Variants in RFPL1 observed in about 807,000 individuals in gnomAD.
The protein encoded by RFPL1 is ret finger protein like 1, also known as ret finger protein-like 1.
RFPL1 carries 6 observed loss-of-function variants against 9.6 expected under a neutral mutation model. That is an observed-to-expected ratio of 0.62 (90% CI 0.34 to 1.23). The LOEUF (loss-of-function observed/expected upper bound fraction) is 1.23. RFPL1 is among the 50% of genes most tolerant of loss of function. The probability of loss-of-function intolerance (pLI) is 0.03; values close to 1 mark genes in which losing one functional copy is unlikely to be tolerated. For synonymous variants in RFPL1, 145 were observed against 149.4 expected, an observed-to-expected ratio of 0.97 and a Z score of 0.22; for missense variants, 352 against 398.4, an observed-to-expected ratio of 0.88 and a Z score of 0.99.
chr22:29,432,603 G>A, the RFPL1 span, among the ~76,000 whole-genome samples: 17 of 152,096 alleles, frequency 1.1e-4, no homozygotes, highest in Non-Finnish European at 2.2e-4. Context: ...TCTATAACTC[G>A]CTTGGTTACA....
exon 2 of RFPL1, chr22:29,442,164 C>A (rs2062844369): frequency 6.9e-7 from 1 of 1,442,342 alleles, no homozygotes; most frequent in African/African-American, 1.4e-5. Context: ...AAGAAAATTA[C>A]TTGGGTGGGC....
upstream of RFPL1, among the ~76,000 whole-genome samples, chr22:29,436,206 T>C (rs1350713577): frequency 6.6e-6 from 1 of 151,842 alleles, no homozygotes; most frequent in Non-Finnish European, 1.5e-5. Flanking sequence ...ATGGGAGAAA[T>C]GGGCTCTAGC....
At chr22:29,403,189 A>G in the RFPL1 span, among the ~76,000 whole-genome samples, 1 of 152,054 alleles carries the variant, frequency 6.6e-6, no homozygotes, top group Non-Finnish European at 1.5e-5. Flanking sequence ...GTTTTTAAAA[A>G]TAAATTGAAA....
At chr22:29,424,829 T>TC in the RFPL1 span, among the ~76,000 whole-genome samples, 417 of 18,752 alleles carry the variant, frequency 0.022, 1 homozygote, top group African/African-American at 0.043. Context: ...TCCCTGTCCC[T>TC]CCCACCCCCC....
the RFPL1 span, among the ~76,000 whole-genome samples, chr22:29,403,330 G>A: frequency 1.3e-5 from 2 of 152,068 alleles, no homozygotes; most frequent in Non-Finnish European, 2.9e-5. Flanking sequence ...CTGCAGCAGA[G>A]TGAAATGAAT....
chr22:29,417,773 T>C, the RFPL1 span, among the ~76,000 whole-genome samples: 1 of 151,910 alleles, frequency 6.6e-6, no homozygotes. Context: ...TCTCTGCCTT[T>C]GAGATTTTAC....
the RFPL1 span, among the ~76,000 whole-genome samples, chr22:29,398,472 C>T: frequency 1.1e-4 from 17 of 152,330 alleles, no homozygotes; most frequent in South Asian, 1.4e-3. Flanking sequence ...ATCCCCATTT[C>T]GTAGTTGAGG....
chr22:29,410,285 T>TACAATATATATATCTATATATAG, the RFPL1 span, among the ~76,000 whole-genome samples: 2 of 97,680 alleles, frequency 2.0e-5, no homozygotes, highest in African/African-American at 8.4e-5. Flanking sequence ...TATATAGATC[T>TACAATATATATATCTATATATAG]ATATATATGT....
chr22:29,421,222 T>C, the RFPL1 span, among the ~76,000 whole-genome samples: 1 of 152,114 alleles, frequency 6.6e-6, no homozygotes, highest in African/African-American at 2.4e-5. Flanking sequence ...GCTGGAGCAT[T>C]GAACCCAGGC....
chr22:29,435,965 C>G (rs1466238471), upstream of RFPL1, among the ~76,000 whole-genome samples: 1 of 152,146 alleles, frequency 6.6e-6, no homozygotes, highest in Non-Finnish European at 1.5e-5. Flanking sequence ...ACCACATGTT[C>G]TCACTCCTAT....
chr22:29,395,747 T>G, the RFPL1 span, among the ~76,000 whole-genome samples: 1 of 152,076 alleles, frequency 6.6e-6, no homozygotes, highest in African/African-American at 2.4e-5. Context: ...CTTAGGCAGG[T>G]GGATCACCTG....
chr22:29,419,056 G>A, the RFPL1 span: 2 of 698,476 alleles, frequency 2.9e-6, no homozygotes, highest in East Asian at 2.4e-5. Flanking sequence ...GGAGACATGG[G>A]TCCCTAGACA....
chr22:29,398,803 C>T, the RFPL1 span, among the ~76,000 whole-genome samples: 1 of 152,216 alleles, frequency 6.6e-6, no homozygotes, highest in African/African-American at 2.4e-5. Flanking sequence ...GATTTGTAAG[C>T]ACTGTCCTAT....
At chr22:29,429,772 A>G in the RFPL1 span, among the ~76,000 whole-genome samples, 1 of 152,264 alleles carries the variant, frequency 6.6e-6, no homozygotes, top group African/African-American at 2.4e-5. Context: ...TGACAAACTT[A>G]GTAAAGTTTT....
At chr22:29,437,336 A>G, upstream of RFPL1, 1 of 331,518 alleles carries the variant, frequency 3.0e-6, no homozygotes, top group South Asian at 3.2e-5. Flanking sequence ...TTAATACTTC[A>G]GGTTTCCAAG....
At chr22:29,423,264 G>A in the RFPL1 span, 8 of 1,259,930 alleles carry the variant, frequency 6.3e-6, no homozygotes, top group South Asian at 9.6e-5. Context: ...GAGGGAGGAG[G>A]AGAAGGATCC....
the RFPL1 span, among the ~76,000 whole-genome samples, chr22:29,426,216 G>C: frequency 6.6e-6 from 1 of 151,714 alleles, no homozygotes; most frequent in Non-Finnish European, 1.5e-5. Flanking sequence ...CCAGCTATTT[G>C]GGAGGCTGAG....
the RFPL1 span, among the ~76,000 whole-genome samples, chr22:29,416,693 C>G: frequency 6.6e-6 from 1 of 152,158 alleles, no homozygotes; most frequent in African/African-American, 2.4e-5. Context: ...AGAACCAGCA[C>G]AGCATGCATG....
chr22:29,408,607 G>GT, the RFPL1 span, among the ~76,000 whole-genome samples: 1 of 152,218 alleles, frequency 6.6e-6, no homozygotes, highest in African/African-American at 2.4e-5. Context: ...AATGCTTTTT[G>GT]TTTTTTCTGG....
Sources: allele counts gnomAD v4.1 joint callset (sites outside exome capture counted in the v4.1 genomes callset), GRCh38; gene constraint gnomAD v4.1.1; transcripts MANE v1.5; gene names NCBI Gene and HGNC (gene_info 2026-07-23, HGNC 2026-07-21).